The following BBX variants were observed in gnomAD, a reference collection of about 807,000 sequenced individuals.
BBX encodes the protein BBX high mobility group box domain containing.
In BBX, 30 loss-of-function variants were observed where a neutral mutation model predicts 100.2. The observed-to-expected ratio is 0.30, with a 90% CI of 0.22 to 0.41. BBX has a LOEUF of 0.41. Ranked by LOEUF, BBX falls within the 10% of genes least tolerant of loss-of-function variation. The probability of loss-of-function intolerance (pLI) is 1.00; values close to 1 mark genes in which losing one functional copy is unlikely to be tolerated. For missense variants in BBX, 1,023 were observed against 1,129.8 expected (o/e 0.91, Z 1.35); for synonymous variants, 376 against 388.1 (o/e 0.97, Z 0.37).
At chr3:107,679,478 T>C (rs2059460412) in intron 3 of BBX, among the ~76,000 whole-genome samples, 1 of 152,086 alleles carries the variant, frequency 6.6e-6, no homozygotes, top group Non-Finnish European at 1.5e-5. Context: ...GAGCCATTGA[T>C]CTAATGAACA....
At chr3:107,774,953 C>T in intron 12 of BBX, 96 bp downstream of exon 12, 2 of 1,400,784 alleles carry the variant, frequency 1.4e-6, no homozygotes, top group South Asian at 3.1e-5. Flanking sequence ...CATGCTTGTT[C>T]TTTGACTACT....
intron 8 of BBX, 69 bp downstream of exon 8, chr3:107,744,779 C>A: frequency 1.6e-6 from 2 of 1,255,416 alleles, no homozygotes; most frequent in Non-Finnish European, 2.3e-6. Flanking sequence ...GGGCTGATAA[C>A]AGTAACTGAA....
chr3:107,551,096 GTTA>G (rs1209317789), intron 2 of BBX, among the ~76,000 whole-genome samples: 3 of 152,102 alleles, frequency 2.0e-5, no homozygotes, highest in African/African-American at 2.4e-5. Flanking sequence ...GTTAAATAAA[GTTA>G]TTATATCAAC....
intron 13 of BBX, among the ~76,000 whole-genome samples, chr3:107,780,859 C>G (rs1313078165): frequency 6.6e-6 from 1 of 151,822 alleles, no homozygotes; most frequent in Non-Finnish European, 1.5e-5. Context: ...GACTCTAGAC[C>G]CTTTCCACCT....
chr3:107,798,477 G>T (rs745971516), intron 15 of BBX, 46 bp from the exon 16 acceptor site: 90 of 1,569,960 alleles, frequency 5.7e-5, no homozygotes, highest in Admixed American at 1.8e-4. Flanking sequence ...CAATTTTGGT[G>T]CCTTCTGTTT....
chr3:107,569,128 G>A (rs1455071229), intron 2 of BBX, among the ~76,000 whole-genome samples: 1 of 152,124 alleles, frequency 6.6e-6, no homozygotes, highest in African/African-American at 2.4e-5. Context: ...AACTGTACTA[G>A]GTTATTTTAT....
intron 6 of BBX, among the ~76,000 whole-genome samples, chr3:107,729,362 G>A (rs1480560401): frequency 6.6e-6 from 1 of 152,114 alleles, no homozygotes; most frequent in Non-Finnish European, 1.5e-5. Context: ...TCATCTGGGT[G>A]TTGGAAACAT....
At chr3:107,748,960 C>A (rs908656836) in intron 9 of BBX, among the ~76,000 whole-genome samples, 1 of 151,582 alleles carries the variant, frequency 6.6e-6, no homozygotes, top group Non-Finnish European at 1.5e-5. Flanking sequence ...TAGCATCTTA[C>A]TTTGAAAATG....
At chr3:107,582,872 G>C in intron 2 of BBX, among the ~76,000 whole-genome samples, 1 of 151,864 alleles carries the variant, frequency 6.6e-6, no homozygotes, top group South Asian at 2.1e-4. Context: ...AATCATCTTT[G>C]TTGTTGTTAG....
intron 17 of BBX, among the ~76,000 whole-genome samples, chr3:107,804,205 A>C (rs371639636): frequency 1.3e-5 from 2 of 152,132 alleles, no homozygotes; most frequent in African/African-American, 4.8e-5. Context: ...CAAATGTTGC[A>C]ATTTGTCTAC....
At chr3:107,569,680 G>T (rs999651267) in intron 2 of BBX, among the ~76,000 whole-genome samples, 6 of 152,214 alleles carry the variant, frequency 3.9e-5, no homozygotes, top group African/African-American at 1.4e-4. Flanking sequence ...GTCCAAGTTG[G>T]CATCAGAGTT....
intron 5 of BBX, among the ~76,000 whole-genome samples, chr3:107,727,203 T>C (rs1231167256): frequency 6.6e-6 from 1 of 152,154 alleles, no homozygotes; most frequent in Non-Finnish European, 1.5e-5. Flanking sequence ...CAAGTGACTG[T>C]TCATCTGACA....
chr3:107,686,536 T>C (rs187104527), intron 3 of BBX, among the ~76,000 whole-genome samples: 21 of 152,260 alleles, frequency 1.4e-4, no homozygotes, highest in Non-Finnish European at 2.6e-4. Flanking sequence ...ATAGTGACAG[T>C]AGTTGTCTGG....
chr3:107,714,822 T>G (rs1474307043), intron 4 of BBX, among the ~76,000 whole-genome samples: 1 of 152,140 alleles, frequency 6.6e-6, no homozygotes, highest in East Asian at 1.9e-4. Flanking sequence ...AGTCTTGCTC[T>G]GTCACCAGGC....
At chr3:107,599,532 G>A (rs1381438756) in intron 2 of BBX, 3 of 152,018 alleles carry the variant, frequency 2.0e-5, no homozygotes, top group Non-Finnish European at 1.5e-5. Flanking sequence ...TTGTCACATC[G>A]TGCCGGTGTT....
At chr3:107,571,231 G>T (rs1463705727) in intron 2 of BBX, among the ~76,000 whole-genome samples, 1 of 152,064 alleles carries the variant, frequency 6.6e-6, no homozygotes, top group Non-Finnish European at 1.5e-5. Flanking sequence ...CGCAATGTGG[G>T]TGAGCAGCCA....
chr3:107,628,386 G>GA lies in BBX; in HGVS notation c.-83-17441dup, dbSNP rs900762558. Among the ~76,000 whole-genome samples, 339 of 147,980 alleles carry GA rather than the reference G, an allele frequency of 2.3e-3. 1 individual carries two copies. The highest frequency in any genetic ancestry group is 7.3e-3 in the African/African-American group (297 of 40,528). ...AAGAGTTTGCTTTTTTTATTGAAAT[G>GA]AAAAAAAAACATATTACCCAATTTT... On this transcript the variant is annotated intron_variant, in intron 2 of 17. Transcript: ENST00000325805.
At chr3:107,598,056 T>C (rs940373244) in intron 2 of BBX, among the ~76,000 whole-genome samples, 1 of 152,158 alleles carries the variant, frequency 6.6e-6, no homozygotes, top group Non-Finnish European at 1.5e-5. Context: ...GACATGGAAA[T>C]TGATTTACTA....
chr3:107,591,342 T>A (rs1409963880), intron 2 of BBX, among the ~76,000 whole-genome samples: 4 of 152,034 alleles, frequency 2.6e-5, no homozygotes, highest in Admixed American at 6.5e-5. Flanking sequence ...TACCTAAGAG[T>A]AAAATGGGTC....
Sources: allele counts gnomAD v4.1 joint callset (sites outside exome capture counted in the v4.1 genomes callset), GRCh38; gene constraint gnomAD v4.1.1; transcripts MANE v1.5; gene names NCBI Gene and HGNC (gene_info 2026-07-23, HGNC 2026-07-21).